The following OR1J2 variants were observed in gnomAD, a reference collection of about 807,000 sequenced individuals.
OR1J2 encodes the protein olfactory receptor 1J2.
For synonymous variants in OR1J2, 142 were observed against 99.7 expected, an observed-to-expected ratio of 1.42 and a Z score of -2.52; for missense variants, 304 against 246.1, an observed-to-expected ratio of 1.24 and a Z score of -1.57.
At chr9:122,565,570 C>A in the OR1J2 span, among the ~76,000 whole-genome samples, 2 of 152,172 alleles carry the variant, frequency 1.3e-5, no homozygotes, top group Non-Finnish European at 2.9e-5. Flanking sequence ...GCTGAGCCCC[C>A]CAATGGCACC....
At chr9:122,516,449 G>T (rs1298613134), downstream of OR1J2, among the ~76,000 whole-genome samples, 1 of 150,770 alleles carries the variant, frequency 6.6e-6, no homozygotes, top group East Asian at 2.0e-4. Flanking sequence ...GACTACAGGC[G>T]CCCGCCACTA....
At chr9:122,461,435 T>C in the OR1J2 span, among the ~76,000 whole-genome samples, 9 of 152,246 alleles carry the variant, frequency 5.9e-5, no homozygotes, top group East Asian at 1.7e-3. Flanking sequence ...GCTCTGATCT[T>C]GGTTATTTCT....
the OR1J2 span, among the ~76,000 whole-genome samples, chr9:122,539,642 G>T: frequency 6.6e-6 from 1 of 152,108 alleles, no homozygotes; most frequent in Non-Finnish European, 1.5e-5. Flanking sequence ...TAATGGGATG[G>T]CTGGGTCAAA....
the OR1J2 span, among the ~76,000 whole-genome samples, chr9:122,531,801 T>G: frequency 7.9e-5 from 12 of 152,224 alleles, no homozygotes; most frequent in South Asian, 2.5e-3. Flanking sequence ...TGTATAGAGG[T>G]GGGAAGGCCA....
At chr9:122,509,775 A>G (rs1270005135), upstream of OR1J2, among the ~76,000 whole-genome samples, 1 of 152,204 alleles carries the variant, frequency 6.6e-6, no homozygotes, top group Non-Finnish European at 1.5e-5. Context: ...TTAAAGGTCA[A>G]TGGGAATCCT....
At chr9:122,519,381 A>T in the OR1J2 span, 6 of 1,614,100 alleles carry the variant, frequency 3.7e-6, no homozygotes, top group African/African-American at 2.7e-5. Flanking sequence ...TGTCCCAAAG[A>T]TGTTATTAAG....
At chr9:122,560,574 A>G in the OR1J2 span, among the ~76,000 whole-genome samples, 2 of 152,052 alleles carry the variant, frequency 1.3e-5, no homozygotes, top group Non-Finnish European at 2.9e-5. Context: ...TTTATTTCTC[A>G]TTTACTTATG....
chr9:122,458,740 T>C, the OR1J2 span, among the ~76,000 whole-genome samples: 46 of 152,096 alleles, frequency 3.0e-4, no homozygotes, highest in Non-Finnish European at 5.9e-4. Flanking sequence ...GAGATTTGGG[T>C]GGGTACACAG....
the OR1J2 span, among the ~76,000 whole-genome samples, chr9:122,502,444 C>G: frequency 6.6e-6 from 1 of 152,206 alleles, no homozygotes; most frequent in Non-Finnish European, 1.5e-5. Context: ...CATTAGAACA[C>G]GTACCTTGTT....
At chr9:122,553,802 A>G in the OR1J2 span, 26 of 1,613,976 alleles carry the variant, frequency 1.6e-5, no homozygotes, top group Middle Eastern at 1.6e-4. Flanking sequence ...ATACCCATGT[A>G]AACGAGCTGA....
At chr9:122,452,510 A>T in the OR1J2 span, among the ~76,000 whole-genome samples, 2 of 152,154 alleles carry the variant, frequency 1.3e-5, no homozygotes, top group African/African-American at 4.8e-5. Flanking sequence ...CATGGCAATT[A>T]TTCCTTCCCT....
chr9:122,477,660 G>T, the OR1J2 span: 1 of 1,614,226 alleles, frequency 6.2e-7, no homozygotes, highest in Non-Finnish European at 8.5e-7. Context: ...AGACGGCTAG[G>T]TGCTGAGTCT....
chr9:122,515,040 A>C (rs1199185808), downstream of OR1J2, among the ~76,000 whole-genome samples: 1 of 152,282 alleles, frequency 6.6e-6, no homozygotes, highest in East Asian at 1.9e-4. Context: ...AGGAAAACTG[A>C]GCAATTAATG....
chr9:122,451,678 A>C, the OR1J2 span, among the ~76,000 whole-genome samples: 2 of 152,180 alleles, frequency 1.3e-5, no homozygotes, highest in Non-Finnish European at 2.9e-5. Context: ...GTAGCCTACA[A>C]ATTCTTTATT....
the OR1J2 span, among the ~76,000 whole-genome samples, chr9:122,558,550 T>G: frequency 2.0e-5 from 3 of 151,768 alleles, no homozygotes; most frequent in Admixed American, 6.6e-5. Flanking sequence ...AAGTAATTTC[T>G]TATTATTTTA....
At chr9:122,469,963 A>G in the OR1J2 span, among the ~76,000 whole-genome samples, 8 of 152,206 alleles carry the variant, frequency 5.3e-5, no homozygotes, top group African/African-American at 1.9e-4. Flanking sequence ...TTCTAAAGGC[A>G]TTCAGTTTTA....
At chr9:122,519,710 A>G in the OR1J2 span, 6 of 1,614,106 alleles carry the variant, frequency 3.7e-6, no homozygotes, top group African/African-American at 6.7e-5. Flanking sequence ...TCTCATGCTC[A>G]GACATCTCCC....
chr9:122,506,431 A>G (rs1304207064), upstream of OR1J2, among the ~76,000 whole-genome samples: 1 of 152,122 alleles, frequency 6.6e-6, no homozygotes, highest in Non-Finnish European at 1.5e-5. Context: ...TCCTTAGTTA[A>G]GCTCTTCGAT....
the OR1J2 span, among the ~76,000 whole-genome samples, chr9:122,488,848 A>T: frequency 7.2e-6 from 1 of 138,204 alleles, no homozygotes; most frequent in African/African-American, 2.9e-5. Context: ...AGAAAACACA[A>T]GTTTCTTTTT....
Sources: gnomAD v4.1 joint callset for allele counts (sites outside exome capture counted in the v4.1 genomes callset) on GRCh38, gnomAD v4.1.1 for gene constraint, MANE v1.5 for transcripts, NCBI Gene and HGNC (gene_info 2026-07-23, HGNC 2026-07-21) for gene names.